The following UNC5D variants were observed in gnomAD, a reference collection of about 807,000 sequenced individuals.
UNC5D encodes unc-5 netrin receptor D.
UNC5D carries 39 observed loss-of-function variants against 105.4 expected under a neutral mutation model. The ratio of observed to expected loss-of-function variants is 0.37; its 90% CI spans 0.29 to 0.48. The LOEUF (loss-of-function observed/expected upper bound fraction) is 0.48. Among genes scored for constraint, UNC5D ranks in the 20% least tolerant of loss-of-function variants. The probability of loss-of-function intolerance (pLI) is 0.98; values close to 1 mark genes in which losing one functional copy is unlikely to be tolerated. For synonymous variants in UNC5D, 452 were observed against 450.4 expected, an observed-to-expected ratio of 1.00 and a Z score of -0.04; for missense variants, 991 against 1,202.4, an observed-to-expected ratio of 0.82 and a Z score of 2.60.
intron 1 of UNC5D, among the ~76,000 whole-genome samples, chr8:35,526,789 TA>T (rs200564583): frequency 1.1e-3 from 156 of 148,316 alleles, no homozygotes; most frequent in African/African-American, 3.3e-3. Context: ...CTCCCCTCAT[TA>T]AAAAAAAAAT....
In UNC5D at chr8:35,450,343, C is replaced by A. The variant is rs142004115; in HGVS notation, c.104-98949C>A. Among the ~76,000 whole-genome samples, 411 of 152,214 alleles carry A rather than the reference C, an allele frequency of 2.7e-3. 1 individual carries two copies. The highest frequency in any genetic ancestry group is 9.1e-3 in the African/African-American group (378 of 41,536). On this transcript the variant is annotated intron_variant, in intron 1 of 16. Transcript: ENST00000404895. ...GTCTTCTATCAATACGGAGAATAAT[C>A]CTCAAAAAGATAGACCACTGTATGC...
intron 4 of UNC5D, among the ~76,000 whole-genome samples, chr8:35,644,187 A>T (rs570367282): frequency 4.1e-4 from 63 of 152,262 alleles, no homozygotes; most frequent in African/African-American, 1.5e-3. Flanking sequence ...ATTAAGGCTT[A>T]TATAGAGTTA....
chr8:35,723,184 G>C (rs1053785417), intron 9 of UNC5D, among the ~76,000 whole-genome samples: 27 of 152,084 alleles, frequency 1.8e-4, no homozygotes, highest in Admixed American at 2.0e-4. Context: ...GTGCATCAGT[G>C]GTGCCTACAG....
At chr8:35,402,504 A>T (rs1804537288) in intron 1 of UNC5D, among the ~76,000 whole-genome samples, 1 of 152,092 alleles carries the variant, frequency 6.6e-6, no homozygotes, top group Non-Finnish European at 1.5e-5. Flanking sequence ...GAATTATGGG[A>T]TCTACAATTC....
chr8:35,286,504 C>T (rs1376318613), intron 1 of UNC5D, among the ~76,000 whole-genome samples: 5 of 152,074 alleles, frequency 3.3e-5, no homozygotes, highest in Non-Finnish European at 7.4e-5. Context: ...AGAGGTAATC[C>T]AACTAAGTTC....
At chr8:35,528,465 G>T (rs1814064986) in intron 1 of UNC5D, among the ~76,000 whole-genome samples, 1 of 147,694 alleles carries the variant, frequency 6.8e-6, no homozygotes. Context: ...ATTTGGGTTG[G>T]TTCCAAGTCT....
intron 1 of UNC5D, among the ~76,000 whole-genome samples, chr8:35,344,072 G>T (rs1811639437): frequency 6.6e-6 from 1 of 152,048 alleles, no homozygotes; most frequent in Non-Finnish European, 1.5e-5. Flanking sequence ...AAATGGTTCT[G>T]TTGGGATTTG....
At chr8:35,689,773 CTGCT>C (rs1354194905) in intron 7 of UNC5D, among the ~76,000 whole-genome samples, 2 of 152,156 alleles carry the variant, frequency 1.3e-5, no homozygotes, top group Non-Finnish European at 1.5e-5. Context: ...GGAGGGCCGT[CTGCT>C]TTTTTTTTCA....
At chr8:35,766,880 C>T (rs765897716) in intron 14 of UNC5D, 22 bp from the exon 15 acceptor site, 2 of 1,601,162 alleles carry the variant, frequency 1.2e-6, no homozygotes, top group African/African-American at 1.3e-5. Context: ...CACACCATCC[C>T]TTCTCTCCGT....
At position 35,281,501 on chromosome 8, in the gene UNC5D, G is replaced by A. The variant is rs60238776; in HGVS notation, c.103+45614G>A. ...GTCGCCCAGGCTGGAGTGCAGTGGC[G>A]CTGTCTTGGCTCACTGCAACCTCCG... On this transcript the variant is annotated intron_variant, in intron 1 of 16. Transcript: ENST00000404895. 6.4e-3 allele frequency among the ~76,000 whole-genome samples: 967 copies of A among 150,886 alleles called. 6 individuals carry two copies. Among genetic ancestry groups the A allele is most frequent in the African/African-American group, 0.023 (925 of 41,040 alleles).
At chr8:35,607,214 G>A (rs527663378) in intron 4 of UNC5D, among the ~76,000 whole-genome samples, 2 of 152,316 alleles carry the variant, frequency 1.3e-5, no homozygotes, top group South Asian at 4.1e-4. Context: ...ACAAAATATA[G>A]ATGTATCAGA....
chr8:35,368,165 A>T (rs1235128978), intron 1 of UNC5D, among the ~76,000 whole-genome samples: 1 of 152,146 alleles, frequency 6.6e-6, no homozygotes, highest in Admixed American at 6.6e-5. Context: ...TAGATTGAAA[A>T]CATTATCTTG....
At chr8:35,480,744 T>C (rs2129969475) in intron 1 of UNC5D, among the ~76,000 whole-genome samples, 1 of 152,276 alleles carries the variant, frequency 6.6e-6, no homozygotes, top group Non-Finnish European at 1.5e-5. Context: ...ATAAGTGCTA[T>C]GAGACAAACA....
In UNC5D at chr8:35,605,617, G is replaced by T. The variant is rs192794173; in HGVS notation, c.570+9960G>T. 2.9e-3 allele frequency among the ~76,000 whole-genome samples: 439 copies of T among 152,312 alleles called. 2 individuals are homozygous for T. Among genetic ancestry groups the T allele is most frequent in the African/African-American group, 9.3e-3 (388 of 41,576 alleles). On this transcript the variant is annotated intron_variant, in intron 4 of 16. Coordinates refer to ENST00000404895, the MANE Select transcript of UNC5D (RefSeq NM_080872.4). ...TCTGCAGAGGTTATTGCTGTCTTTT[G>T]TTTGTCTGTGCCCTGCCCCCAGAGG... is the stretch of plus-strand genomic sequence containing the variant.
At chr8:35,396,870 GTC>G (rs1233708925) in intron 1 of UNC5D, among the ~76,000 whole-genome samples, 4 of 149,982 alleles carry the variant, frequency 2.7e-5, no homozygotes, top group Non-Finnish European at 5.9e-5. Context: ...TGTATTATGT[GTC>G]TCTTCTGAGC....
At chr8:35,344,583 T>C (rs990007619) in intron 1 of UNC5D, among the ~76,000 whole-genome samples, 2 of 152,036 alleles carry the variant, frequency 1.3e-5, no homozygotes, top group South Asian at 2.1e-4. Flanking sequence ...GCAGAAACAG[T>C]AGGCTCTTTG....
intron 1 of UNC5D, among the ~76,000 whole-genome samples, chr8:35,404,548 T>C (rs538911394): frequency 4.7e-4 from 71 of 152,306 alleles, no homozygotes; most frequent in African/African-American, 1.6e-3. Context: ...CACCCTGAAC[T>C]ATGCCAAATT....
At chr8:35,463,779 A>G (rs1266122028) in intron 1 of UNC5D, among the ~76,000 whole-genome samples, 21 of 151,238 alleles carry the variant, frequency 1.4e-4, no homozygotes, top group Admixed American at 1.4e-3. Context: ...CAACAGAGCA[A>G]TAACCTGTCT....
chr8:35,725,823 T>C (rs907173374), intron 9 of UNC5D, among the ~76,000 whole-genome samples: 6 of 152,198 alleles, frequency 3.9e-5, no homozygotes, highest in Non-Finnish European at 8.8e-5. Flanking sequence ...TGTTTGCCAG[T>C]TGAAATAATC....
Sources: gnomAD v4.1 joint callset for allele counts (sites outside exome capture counted in the v4.1 genomes callset) on GRCh38, gnomAD v4.1.1 for gene constraint, MANE v1.5 for transcripts, NCBI Gene and HGNC (gene_info 2026-07-23, HGNC 2026-07-21) for gene names.